The following SGSH variants were observed in gnomAD, a reference collection of about 807,000 sequenced individuals.
The protein encoded by SGSH is N-sulfoglucosamine sulfohydrolase, also known as heparan sulfate sulfatase.
Under a neutral mutation model 51.0 loss-of-function variants are expected in SGSH, and 48 were observed. The observed-to-expected ratio is 0.94, with a 90% confidence interval of 0.75 to 1.20. The LOEUF (loss-of-function observed/expected upper bound fraction) is 1.20. SGSH is among the 50% of genes most tolerant of loss of function. The pLI is 0.00. For synonymous variants in SGSH, 321 were observed against 313.4 expected (o/e 1.02, Z -0.26); for missense variants, 662 against 717.8 (o/e 0.92, Z 0.89).
At position 80,212,637 on chromosome 17, in the gene SGSH, A is replaced by G. The variant is rs1345035343; in HGVS notation, c.746-363T>C. 2 of 374,566 alleles carry G rather than the reference A, an allele frequency of 5.3e-6. No homozygotes were observed. Among genetic ancestry groups the G allele is most frequent in the East Asian group, 6.7e-5 (1 of 14,954 alleles). 23.2% of individuals were successfully genotyped at this position (374,566 alleles called of 1,614,324 possible). Reference sequence around the variant, plus strand: ...GGGGCCAGAGGACGAGGCTTCCTCTATACTCGCTCCTTCCCAGCTGGGGCC... The same window carrying G: ...GGGGCCAGAGGACGAGGCTTCCTCTGTACTCGCTCCTTCCCAGCTGGGGCC... On this transcript the variant is annotated intron_variant, in intron 6 of 7. Transcript: ENST00000326317. The surrounding 1 kb of genome is among the most constrained non-coding windows in gnomAD (Gnocchi z 5.9).
At chr17:80,214,942 G>T in intron 3 of SGSH, 91 bp downstream of exon 3, 1 of 1,311,582 alleles carries the variant, frequency 7.6e-7, no homozygotes, top group East Asian at 2.4e-5. Flanking sequence ...CGGGGGCTGA[G>T]CGTGCCTTGG....
Position 80,220,233 on chromosome 17 carries a change from C to G in SGSH, c.81G>C (p.Leu27=). 6.6e-7 allele frequency: 1 copy of G among 1,521,752 alleles called. No individual in the cohort carries two copies. Among genetic ancestry groups the G allele is most frequent in the Non-Finnish European group, 8.8e-7 (1 of 1,141,080 alleles). The allele number at this position is 1,521,752 out of a possible 1,614,324, so 94.3% of individuals were successfully genotyped here. ...LCRARPRNAL[L]LLADDGGFES... ...GGCGGCGCCGGCACTCACCGAGGAGCAGCAGTGCGTTCCGGGGACGCGCCC... is the reference window on the plus strand; with the variant it reads ...GGCGGCGCCGGCACTCACCGAGGAGGAGCAGTGCGTTCCGGGGACGCGCCC... The change falls in exon 1 of 8, where the codon CTG becomes CTC. Residue 27 remains leucine, a synonymous_variant. Transcript: ENST00000326317.
At chr17:80,208,550 G>A, downstream of SGSH, 1 of 511,338 alleles carries the variant, frequency 2.0e-6, no homozygotes, top group South Asian at 3.3e-5. Flanking sequence ...ACTTTTCTGT[G>A]GAAACATCTT....
chr17:80,216,841 A>G (rs1598756571), intron 2 of SGSH, 191 bp downstream of exon 2: 1 of 609,950 alleles, frequency 1.6e-6, no homozygotes, highest in Admixed American at 2.9e-5. Flanking sequence ...CAGTGCAGCC[A>G]GGGCTGGCGG....
downstream of SGSH, chr17:80,201,896 C>T (rs904357449): frequency 1.9e-6 from 3 of 1,590,362 alleles, no homozygotes; most frequent in Non-Finnish European, 1.7e-6. This position sits in a 1 kb window ranked among gnomAD's most constrained non-coding sequence, Gnocchi z 5.0. Flanking sequence ...CTCTCGTGTG[C>T]ACAGCTGCCT....
At chr17:80,202,713 G>T (rs2041051815), downstream of SGSH, 8 of 888,008 alleles carry the variant, frequency 9.0e-6, no homozygotes, top group Non-Finnish European at 1.1e-5. Context: ...CGTCTGTGGT[G>T]GGGCCGTCCT....
At position 80,214,204 on chromosome 17, in the gene SGSH, T is replaced by A; in HGVS notation, c.631A>T (p.Thr211Ser). 2 of 1,611,456 alleles carry A rather than the reference T, an allele frequency of 1.2e-6. No individual in the cohort carries two copies. The change falls in exon 5 of 8, where the codon ACC becomes TCC. Residue 211 changes from threonine (T) to serine (S), a missense_variant. Transcript: ENST00000326317. ...ESGMGRIPDWTPQAYDPLDVL... is the reference protein window; with the variant it reads ...ESGMGRIPDWSPQAYDPLDVL... ...TCCAGTGGGTCGTAGGCCTGGGGGG[T>A]CCAGTCTGGGATACGACCCATGCCG...
chr17:80,212,850 A>G lies in SGSH; in HGVS notation c.746-576T>C. 1 of 187,338 alleles carries G rather than the reference A, an allele frequency of 5.3e-6. No homozygotes were observed. The highest frequency in any genetic ancestry group is 1.1e-5 in the Non-Finnish European group (1 of 88,146). 11.6% of individuals were successfully genotyped at this position (187,338 alleles called of 1,614,324 possible). On this transcript the variant is annotated intron_variant, in intron 6 of 7. Coordinates refer to ENST00000326317, the MANE Select transcript of SGSH (RefSeq NM_000199.5). The surrounding 1 kb of genome is among the most constrained non-coding windows in gnomAD (Gnocchi z 5.9). ...CGAATAAAGATCTTGGGACAAAATC[A>G]TCCTGAAGTGCTCAGGTAGGCCCTA...
At chr17:80,203,542 C>T (rs72853655), downstream of SGSH, 1,405 of 406,516 alleles carry the variant, frequency 3.5e-3, 2 homozygotes, top group Non-Finnish European at 5.0e-3. The surrounding 1 kb of genome is among the most constrained non-coding windows in gnomAD (Gnocchi z 4.6). Flanking sequence ...GGGCCCTGTA[C>T]GCTGGCTGCT....
At chr17:80,205,599 T>C (rs754405150), downstream of SGSH, 7 of 1,559,824 alleles carry the variant, frequency 4.5e-6, no homozygotes, top group Admixed American at 1.9e-5. Flanking sequence ...GGGAGAGGTG[T>C]CCGGGGGCCG....
chr17:80,202,672 T>C (rs11150848), downstream of SGSH: 623,906 of 1,274,090 alleles, frequency 0.49, 156,857 homozygotes, highest in East Asian at 0.55. Context: ...TTTCTTAGCT[T>C]TGGTACCATG....
downstream of SGSH, chr17:80,205,207 T>TA: frequency 6.2e-7 from 1 of 1,609,312 alleles, no homozygotes; most frequent in Non-Finnish European, 8.5e-7. Context: ...GCCTGGCAGG[T>TA]ATGCTGTTGC....
chr17:80,205,094 C>T (rs11652075), downstream of SGSH: 757,906 of 1,612,294 alleles, frequency 0.47, 183,807 homozygotes, highest in East Asian at 0.54. Context: ...TACCCTGGTG[C>T]GGCCCCATCG....
downstream of SGSH, chr17:80,207,132 G>A (rs377008105): frequency 1.6e-5 from 23 of 1,424,912 alleles, no homozygotes; most frequent in Non-Finnish European, 2.2e-5. Context: ...GCGGCTCCTG[G>A]GCTCCCCCAA....
Position 80,220,320 on chromosome 17 carries a change from G to C in SGSH, c.-7C>G, listed in dbSNP as rs1198738754. ...CGGGCACGGGGCAGCTCATGGCGGC[G>C]GCGGCTCGGACTCGGGATCGGGATC... On this transcript the variant is annotated 5_prime_UTR_variant, in exon 1 of 8. Transcript: ENST00000326317. The C allele has an allele frequency of 4.7e-6, 7 of 1,487,200 alleles. No individual in the cohort carries two copies. Among genetic ancestry groups the C allele is most frequent in the Non-Finnish European group, 6.2e-6 (7 of 1,124,768 alleles). 92.1% of individuals were successfully genotyped at this position (1,487,200 alleles called of 1,614,324 possible).
rs1349505937 is a variant in SGSH at position 80,210,961 on chromosome 17, C to T, written c.1000G>A (p.Ala334Thr). The change falls in exon 8 of 8, where the codon GCC becomes ACC. Residue 334 changes from alanine (A) to threonine (T), a missense_variant. Physicochemically the swap from Ala to Thr is moderately conservative, Grantham distance 58. Coordinates refer to ENST00000326317, the MANE Select transcript of SGSH (RefSeq NM_000199.5). ...DWFSIPYPSY[A>T]IFGSKTIHLT... ...TGGATGGTCTTCGAGCCAAAGATGG[C>T]GTAGCTGGGGTACGGGATCGAGAAC... The T allele has an allele frequency of 3.7e-6, 6 of 1,601,976 alleles. No individual in the cohort carries two copies. Among genetic ancestry groups the T allele is most frequent in the Admixed American group, 1.7e-5 (1 of 59,994 alleles).
At chr17:80,216,932 C>T (rs989622789) in intron 2 of SGSH, 100 bp downstream of exon 2, 4 of 1,213,322 alleles carry the variant, frequency 3.3e-6, no homozygotes, top group African/African-American at 1.5e-5. Context: ...GGGCAACACC[C>T]CCCGGGATCC....
chr17:80,211,754 T>C (rs1483051208), intron 7 of SGSH: 1 of 426,944 alleles, frequency 2.3e-6, no homozygotes, highest in South Asian at 2.2e-5. Context: ...GGATTTGCAA[T>C]TTGGATATTA....
chr17:80,207,106 G>A, downstream of SGSH: 7 of 1,579,926 alleles, frequency 4.4e-6, no homozygotes, highest in Non-Finnish European at 6.1e-6. Flanking sequence ...GCTGGGGGCT[G>A]GGCAGGGGCT....
Sources: allele counts gnomAD v4.1 joint callset, GRCh38; gene constraint gnomAD v4.1.1; non-coding constraint Gnocchi (gnomAD v3.1); transcripts MANE v1.5; gene names NCBI Gene and HGNC (gene_info 2026-07-23, HGNC 2026-07-21).